Variants in DYNLT2 observed in about 807,000 individuals in gnomAD.
The protein encoded by DYNLT2 is dynein light chain Tctex-type 2, also known as dynein light chain Tctex-type protein 2.
Under a neutral mutation model 24.3 loss-of-function variants are expected in DYNLT2, and 24 were observed. The observed-to-expected ratio is 0.99, with a 90% CI of 0.71 to 1.39. The LOEUF (loss-of-function observed/expected upper bound fraction) is 1.39. Among genes scored for constraint, DYNLT2 ranks in the 40% most tolerant of loss-of-function variants. DYNLT2 has a pLI of 0.00. For synonymous variants in DYNLT2, 85 were observed against 85.4 expected (o/e 1.00, Z 0.03); for missense variants, 246 against 234.5 (o/e 1.05, Z -0.32).
At chr6:169,731,860 C>G in the DYNLT2 span, among the ~76,000 whole-genome samples, 1 of 152,150 alleles carries the variant, frequency 6.6e-6, no homozygotes, top group Non-Finnish European at 1.5e-5. Context: ...TTGGATGTGT[C>G]AGACCTAATA....
chr6:169,738,213 C>T (rs1242230162), downstream of DYNLT2, among the ~76,000 whole-genome samples: 1 of 152,222 alleles, frequency 6.6e-6, no homozygotes, highest in East Asian at 1.9e-4. Flanking sequence ...TTCCCCTACC[C>T]AGGGGGCTTA....
At chr6:169,728,127 G>T in the DYNLT2 span, among the ~76,000 whole-genome samples, 1 of 152,190 alleles carries the variant, frequency 6.6e-6, no homozygotes, top group South Asian at 2.1e-4. Flanking sequence ...GGACAAAGTG[G>T]ATAATGGGGT....
the DYNLT2 span, among the ~76,000 whole-genome samples, chr6:169,730,847 G>A: frequency 6.6e-6 from 1 of 152,208 alleles, no homozygotes; most frequent in East Asian, 1.9e-4. Flanking sequence ...GCAGTGAGCC[G>A]ATGGACTGAA....
downstream of DYNLT2, among the ~76,000 whole-genome samples, chr6:169,737,779 T>A (rs1304414074): frequency 6.6e-6 from 1 of 152,150 alleles, no homozygotes; most frequent in East Asian, 1.9e-4. Flanking sequence ...TTGGAGGGTC[T>A]CACCCAGTTG....
At position 169,743,140 on chromosome 6, in the gene DYNLT2, G is replaced by A. The variant is rs1789717182; in HGVS notation, c.426C>T (p.Tyr142=). Residue 142 remains tyrosine, a synonymous_variant, in exon 3 of 4, where the codon TAC becomes TAT. Transcript: ENST00000366774. ...RILLAVKEFG[Y]HRYKFIIKVL... is the part of the protein sequence containing the mutation. ...CTTTTATAATGAACTTATAACGGTG[G>A]TACCCAAATTCTTTGACTGCTAACA... is the stretch of plus-strand genomic sequence containing the variant. 1.1e-5 allele frequency: 18 copies of A among 1,578,836 alleles called. No individual in the cohort carries two copies. The highest frequency in any genetic ancestry group is 1.6e-5 in the Non-Finnish European group (18 of 1,157,054).
At chr6:169,727,512 G>C in the DYNLT2 span, among the ~76,000 whole-genome samples, 1 of 151,918 alleles carries the variant, frequency 6.6e-6, no homozygotes, top group African/African-American at 2.4e-5. Flanking sequence ...AAAGACAGAA[G>C]GTGGTCGCAG....
At chr6:169,737,147 G>A (rs1272515458), downstream of DYNLT2, among the ~76,000 whole-genome samples, 1 of 152,132 alleles carries the variant, frequency 6.6e-6, no homozygotes, top group African/African-American at 2.4e-5. Context: ...TTCTCATGCT[G>A]TGTTTTTCAG....
chr6:169,726,021 C>T, the DYNLT2 span, among the ~76,000 whole-genome samples: 1 of 152,214 alleles, frequency 6.6e-6, no homozygotes, highest in Non-Finnish European at 1.5e-5. Flanking sequence ...TCCCTGAATA[C>T]ACCTATAGTT....
the DYNLT2 span, among the ~76,000 whole-genome samples, chr6:169,730,346 A>G: frequency 6.6e-6 from 1 of 152,212 alleles, no homozygotes; most frequent in Non-Finnish European, 1.5e-5. Flanking sequence ...GGCAGCAGAA[A>G]TCAACAGGTA....
the DYNLT2 span, among the ~76,000 whole-genome samples, chr6:169,727,371 A>G: frequency 8.3e-4 from 127 of 152,310 alleles, no homozygotes; most frequent in African/African-American, 3.0e-3. Flanking sequence ...ATGACTGAGT[A>G]GGAAGGCAGA....
chr6:169,751,535 G>C lies in DYNLT2; in HGVS notation c.-77C>G. The C allele has an allele frequency of 6.2e-7, 1 of 1,610,672 alleles. No individual in the cohort carries two copies. Among genetic ancestry groups the C allele is most frequent in the Non-Finnish European group, 8.5e-7 (1 of 1,178,840 alleles). ...AAACGCCCTAGCCAGTCCCGCGAGG[G>C]CGGAAGTCTCCCACCTGCGCCTCGT... is the stretch of plus-strand genomic sequence containing the variant. On this transcript the variant is annotated 5_prime_UTR_variant, in exon 1 of 4. Coordinates refer to ENST00000366774, the MANE Select transcript of DYNLT2 (RefSeq NM_174910.3).
intron 1 of DYNLT2, among the ~76,000 whole-genome samples, chr6:169,747,123 A>G (rs1376441790): frequency 6.6e-6 from 1 of 151,678 alleles, no homozygotes; most frequent in Non-Finnish European, 1.5e-5. Flanking sequence ...TTTTCTTTCA[A>G]TCCTTAAAGA....
At chr6:169,739,927 A>T (rs1352554554), downstream of DYNLT2, among the ~76,000 whole-genome samples, 1 of 152,196 alleles carries the variant, frequency 6.6e-6, no homozygotes, top group East Asian at 1.9e-4. Context: ...ATTTGTATAT[A>T]CATACATATA....
the DYNLT2 span, chr6:169,725,239 G>C: frequency 2.5e-6 from 1 of 398,774 alleles, no homozygotes; most frequent in Non-Finnish European, 4.4e-6. Context: ...TGCGCCTGCA[G>C]ATGACTTGTT....
downstream of DYNLT2, among the ~76,000 whole-genome samples, chr6:169,736,142 G>GTT (rs59505534): frequency 3.5e-3 from 499 of 142,990 alleles, 6 homozygotes; most frequent in African/African-American, 0.012. Context: ...TTTTTTGTTT[G>GTT]TTTTTTTTTT....
the DYNLT2 span, among the ~76,000 whole-genome samples, chr6:169,734,134 G>A: frequency 6.6e-6 from 1 of 152,192 alleles, no homozygotes; most frequent in African/African-American, 2.4e-5. Flanking sequence ...CATTGATTTT[G>A]TATCCTGAGA....
downstream of DYNLT2, among the ~76,000 whole-genome samples, chr6:169,739,687 G>A (rs768026181): frequency 3.3e-5 from 5 of 152,076 alleles, no homozygotes; most frequent in East Asian, 5.8e-4. Flanking sequence ...TGGCTGGAGC[G>A]GGAGGATATT....
chr6:169,725,440 C>CA, the DYNLT2 span: 1 of 397,742 alleles, frequency 2.5e-6, no homozygotes. Flanking sequence ...GAGAGGTCAC[C>CA]ACTGACGACG....
At chr6:169,731,203 A>G in the DYNLT2 span, among the ~76,000 whole-genome samples, 1 of 152,222 alleles carries the variant, frequency 6.6e-6, no homozygotes, top group Non-Finnish European at 1.5e-5. Context: ...TTGGATTGAC[A>G]GTGAGAAGTG....
Sources: gnomAD v4.1 joint callset for allele counts (sites outside exome capture counted in the v4.1 genomes callset) on GRCh38, gnomAD v4.1.1 for gene constraint, MANE v1.5 for transcripts, NCBI Gene and HGNC (gene_info 2026-07-23, HGNC 2026-07-21) for gene names.